The following TLN2 variants were observed in gnomAD, a reference collection of about 807,000 sequenced individuals.
TLN2 encodes talin-2.
A neutral mutation model predicts 294.7 loss-of-function variants in TLN2; 118 were observed. The observed-to-expected ratio is 0.40, with a 90% CI of 0.34 to 0.47. The LOEUF (loss-of-function observed/expected upper bound fraction) is 0.47. Ranked by LOEUF, TLN2 falls within the 20% of genes least tolerant of loss-of-function variation. The pLI, the probability that TLN2 is intolerant of heterozygous loss-of-function variation, is 0.84. For missense variants in TLN2, 3,083 were observed against 3,282.2 expected, an observed-to-expected ratio of 0.94 and a Z score of 1.48; for synonymous variants, 1,431 against 1,304.5, an observed-to-expected ratio of 1.10 and a Z score of -2.09.
At chr15:62,826,069 T>G (rs564819324) in intron 54 of TLN2, among the ~76,000 whole-genome samples, 15 of 150,498 alleles carry the variant, frequency 1.0e-4, no homozygotes, top group Admixed American at 9.4e-4. Context: ...GAGACTCCCC[T>G]CCAGGGTAGA....
At chr15:62,465,441 A>G (rs528309718) in intron 1 of TLN2, among the ~76,000 whole-genome samples, 56 of 152,286 alleles carry the variant, frequency 3.7e-4, no homozygotes, top group African/African-American at 1.2e-3. Flanking sequence ...CCTCTCCCCT[A>G]GTCAGGCCAG....
chr15:62,411,424 AATGG>A (rs1395335022), intron 1 of TLN2, among the ~76,000 whole-genome samples: 30 of 99,426 alleles, frequency 3.0e-4, no homozygotes, highest in African/African-American at 1.2e-3. Flanking sequence ...GAGTGTGAGT[AATGG>A]ATGTGTGTGT....
chr15:62,702,950 T>C, intron 19 of TLN2, 86 bp downstream of exon 19: 3 of 1,234,040 alleles, frequency 2.4e-6, no homozygotes. Context: ...ATTTGAAAAC[T>C]AACTAAATCT....
At chr15:62,597,611 CAAATG>C (rs1371351583) in intron 2 of TLN2, among the ~76,000 whole-genome samples, 2 of 152,160 alleles carry the variant, frequency 1.3e-5, no homozygotes, top group African/African-American at 4.8e-5. Context: ...CAGGGCTCAG[CAAATG>C]CCAGTGGCCA....
intron 11 of TLN2, among the ~76,000 whole-genome samples, chr15:62,679,137 G>T (rs1404573243): frequency 6.6e-6 from 1 of 151,716 alleles, no homozygotes; most frequent in Non-Finnish European, 1.5e-5. Context: ...TGTTGGTGAG[G>T]ATATGGAAAA....
intron 1 of TLN2, among the ~76,000 whole-genome samples, chr15:62,420,878 A>G (rs370226878): frequency 6.6e-6 from 1 of 152,222 alleles, no homozygotes; most frequent in African/African-American, 2.4e-5. Context: ...AGCAGGAGAC[A>G]AGATAAGGGT....
At position 62,795,993 on chromosome 15, in the gene TLN2, T is replaced by C. The variant is rs369147148; in HGVS notation, c.5884-134T>C. The C allele has an allele frequency of 1.0e-5, 12 of 1,169,604 alleles. No individual in the cohort carries two copies. The East Asian group carries it at 2.0e-4, about 20-fold the overall frequency. 72.5% of individuals were successfully genotyped at this position (1,169,604 alleles called of 1,614,324 possible). ...AAAGCTGGTATCCAGACTGAGGCCG[T>C]TGACTCCAGATGTGTGTTGTTAACC... On this transcript the variant is annotated intron_variant, in intron 46 of 58. Transcript: ENST00000636159.
chr15:62,837,013 C>G (rs1270387855), intron 57 of TLN2, among the ~76,000 whole-genome samples: 2 of 152,084 alleles, frequency 1.3e-5, no homozygotes, highest in South Asian at 2.1e-4. Flanking sequence ...GCCAGAATTT[C>G]CCTATACTTT....
chr15:62,508,882 T>C (rs1342714734), intron 1 of TLN2, among the ~76,000 whole-genome samples: 2 of 152,226 alleles, frequency 1.3e-5, no homozygotes, highest in African/African-American at 4.8e-5. Flanking sequence ...TAATAATCAA[T>C]TACTCCTAAT....
In TLN2 at chr15:62,617,664, G is replaced by A. The variant is rs544083323; in HGVS notation, c.-161-687G>A. On this transcript the variant is annotated intron_variant, in intron 2 of 58. Coordinates refer to ENST00000636159, the MANE Select transcript of TLN2 (RefSeq NM_015059.3). ...CTCTGACTGCTAAATCAGGTGCCGT[G>A]ACAGCATCTGTCTGTTTGAAGTGTC... Among the ~76,000 whole-genome samples the A allele has an allele frequency of 3.3e-5, 5 of 152,256 alleles. No individual in the cohort carries two copies. In the East Asian group the frequency reaches 9.7e-4, roughly 29 times the overall value.
At chr15:62,825,782 T>TTATATAATATA (rs2068035084) in intron 54 of TLN2, among the ~76,000 whole-genome samples, 2 of 18,040 alleles carry the variant, frequency 1.1e-4, no homozygotes, top group African/African-American at 3.0e-4. Flanking sequence ...ATATAATATA[T>TTATATAATATA]TATATATTAT....
At chr15:62,653,468 A>G (rs1277859646) in intron 7 of TLN2, among the ~76,000 whole-genome samples, 154 bp downstream of exon 7, 6 of 152,174 alleles carry the variant, frequency 3.9e-5, no homozygotes, top group African/African-American at 1.4e-4. Flanking sequence ...GCTCACTTCT[A>G]TAATCCCAGT....
intron 11 of TLN2, among the ~76,000 whole-genome samples, chr15:62,676,006 C>T (rs927216141): frequency 1.6e-4 from 25 of 152,330 alleles, no homozygotes; most frequent in African/African-American, 6.0e-4. Context: ...ACCCCTTTGG[C>T]CTCTCGCCTG....
At chr15:62,626,660 C>T (rs895911582) in intron 3 of TLN2, among the ~76,000 whole-genome samples, 5 of 152,206 alleles carry the variant, frequency 3.3e-5, no homozygotes, top group African/African-American at 1.2e-4. Flanking sequence ...ACTCTGACAT[C>T]ACCTGGTCCT....
At chr15:62,839,705 C>T (rs1443792624) in intron 58 of TLN2, among the ~76,000 whole-genome samples, 1 of 152,188 alleles carries the variant, frequency 6.6e-6, no homozygotes, top group Non-Finnish European at 1.5e-5. Context: ...CCCATGTCTG[C>T]CTTAGCTCTT....
chr15:62,832,171 G>A (rs1248367020), intron 54 of TLN2: 1 of 143,222 alleles, frequency 7.0e-6, no homozygotes, highest in East Asian at 2.0e-4. Context: ...AAAATACTTG[G>A]TACACAGTAG....
intron 10 of TLN2, among the ~76,000 whole-genome samples, chr15:62,674,474 CA>C (rs1481969661): frequency 6.6e-6 from 1 of 151,504 alleles, no homozygotes; most frequent in African/African-American, 2.4e-5. Flanking sequence ...TACTATCGTG[CA>C]CAGGCGTGTA....
chr15:62,736,511 T>A (rs2061022403), intron 28 of TLN2, among the ~76,000 whole-genome samples: 1 of 152,000 alleles, frequency 6.6e-6, no homozygotes, highest in Admixed American at 6.6e-5. Flanking sequence ...AGAAAGGCAA[T>A]TGAGAAGAAA....
intron 1 of TLN2, among the ~76,000 whole-genome samples, chr15:62,564,901 A>T (rs2043253757): frequency 9.8e-6 from 1 of 101,524 alleles, no homozygotes; most frequent in Admixed American, 1.0e-4. Context: ...GAAAAACTCC[A>T]TCTCAAAAAA....
Sources: gnomAD v4.1 joint callset for allele counts (sites outside exome capture counted in the v4.1 genomes callset) on GRCh38, gnomAD v4.1.1 for gene constraint, MANE v1.5 for transcripts, NCBI Gene and HGNC (gene_info 2026-07-23, HGNC 2026-07-21) for gene names.